MCM10: variants seen among roughly 807,000 people sequenced by gnomAD.
MCM10 encodes the protein protein MCM10 homolog.
In MCM10, 91 loss-of-function variants were observed where a neutral mutation model predicts 109.9. The observed-to-expected ratio is 0.83, with a 90% CI of 0.70 to 0.99. The LOEUF (loss-of-function observed/expected upper bound fraction) is 0.99. Among genes scored for constraint, MCM10 ranks in the 50% least tolerant of loss-of-function variants. MCM10 has a pLI of 0.00. For missense variants in MCM10, 1,077 were observed against 1,061.2 expected (o/e 1.01, Z -0.21); for synonymous variants, 380 against 387.2 (o/e 0.98, Z 0.22).
intron 17 of MCM10, among the ~76,000 whole-genome samples, 175 bp from the exon 18 acceptor site, chr10:13,204,044 C>T (rs745558892): frequency 1.3e-5 from 2 of 152,072 alleles, no homozygotes; most frequent in Non-Finnish European, 2.9e-5. Flanking sequence ...GTGAGGGAGT[C>T]GGGCAATCAC....
At chr10:13,180,411 A>G (rs534190892) in intron 6 of MCM10, 31 bp from the exon 7 acceptor site, 6 of 1,589,890 alleles carry the variant, frequency 3.8e-6, no homozygotes, top group African/African-American at 1.4e-5. Context: ...TATTAGAATC[A>G]TAATTACTAA....
chr10:13,186,978 T>A (rs1375787737), intron 9 of MCM10, among the ~76,000 whole-genome samples: 1 of 152,090 alleles, frequency 6.6e-6, no homozygotes, highest in East Asian at 1.9e-4. Context: ...GGCGATAGAG[T>A]GAGATTCTGT....
intron 2 of MCM10, among the ~76,000 whole-genome samples, chr10:13,166,648 AAATAC>A (rs1232778860): frequency 2.3e-4 from 14 of 60,014 alleles, no homozygotes; most frequent in African/African-American, 7.5e-4. Flanking sequence ...AAAAAAAAAA[AAATAC>A]ATACATACAT....
At chr10:13,204,460 A>G (rs1400246083) in intron 18 of MCM10, 96 bp downstream of exon 18, 5 of 1,450,616 alleles carry the variant, frequency 3.4e-6, no homozygotes, top group Non-Finnish European at 4.7e-6. Context: ...TTGGATGATC[A>G]TTCCATGCCT....
chr10:13,175,590 A>T lies in MCM10; in HGVS notation c.673A>T (p.Ile225Leu), dbSNP rs779287740. 1 of 1,613,886 alleles carries T rather than the reference A, an allele frequency of 6.2e-7. No homozygotes were observed. The highest frequency in any genetic ancestry group is 8.5e-7 in the Non-Finnish European group (1 of 1,179,754). Residue 225 changes from isoleucine to leucine, a missense_variant, in exon 6 of 20, where the codon ATA becomes TTA. Ile to Leu is a conservative substitution (Grantham distance 5). Coordinates refer to ENST00000378714, the MANE Select transcript of MCM10 (RefSeq NM_018518.5). ...GATTTCTCGGAACAAACCTAGTGGG[A>T]TAACTAGAGGTCAAATTGTGGGGAC... ...QTISRNKPSG[I>L]TRGQIVGTPG...
Position 13,188,872 on chromosome 10 carries a change from CT to C in MCM10, c.1216-5del, listed in dbSNP as rs1834309057. The C allele has an allele frequency of 6.2e-7, 1 of 1,613,634 alleles. No homozygotes were observed. Among genetic ancestry groups the C allele is most frequent in the Admixed American group, 1.7e-5 (1 of 59,974 alleles). ...CCTCATCCTGATGCCACTGCTCTGCCTTTTGCAGCGTGACTGTGAGTACTGT... is the reference window on the plus strand; with the variant it reads ...CCTCATCCTGATGCCACTGCTCTGCCTTTGCAGCGTGACTGTGAGTACTGT... On this transcript the variant is annotated splice_polypyrimidine_tract_variant and splice_region_variant and intron_variant, in intron 9 of 19. Coordinates refer to ENST00000378714, the MANE Select transcript of MCM10 (RefSeq NM_018518.5).
intron 2 of MCM10, among the ~76,000 whole-genome samples, chr10:13,166,635 CA>C (rs1252182951): frequency 0.012 from 576 of 47,604 alleles, 6 homozygotes; most frequent in South Asian, 0.021. Flanking sequence ...AACTCTGTCT[CA>C]AAAAAAAAAA....
chr10:13,203,793 G>T lies in MCM10; in HGVS notation c.2353-426G>T, dbSNP rs117837557. ...GCCTATATCCTTTTTATAGATCATA[G>T]AAGAGAATGAAAGAGCTGCTGATCA... On this transcript the variant is annotated intron_variant, in intron 17 of 19. Transcript: ENST00000378714. Among the ~76,000 whole-genome samples the T allele has an allele frequency of 4.6e-3, 682 of 147,626 alleles. 5 individuals are homozygous for T. The highest frequency in any genetic ancestry group is 7.6e-3 in the Non-Finnish European group (500 of 65,396).
intron 2 of MCM10, among the ~76,000 whole-genome samples, chr10:13,170,431 T>C (rs1834054958): frequency 6.6e-6 from 1 of 152,132 alleles, no homozygotes; most frequent in African/African-American, 2.4e-5. Flanking sequence ...CCTAAATCTA[T>C]GTTTGGTGTT....
chr10:13,164,533 A>C (rs1833969845), intron 2 of MCM10, among the ~76,000 whole-genome samples: 1 of 152,246 alleles, frequency 6.6e-6, no homozygotes, highest in African/African-American at 2.4e-5. Flanking sequence ...AGGCAGAAAA[A>C]CAGGGATGTT....
At chr10:13,185,216 T>G (rs1387876252) in intron 8 of MCM10, among the ~76,000 whole-genome samples, 2 of 152,166 alleles carry the variant, frequency 1.3e-5, no homozygotes, top group Non-Finnish European at 2.9e-5. Context: ...GGAGGGATTA[T>G]GAAAGCACCC....
chr10:13,161,793 G>C (rs1029968144), intron 1 of MCM10, among the ~76,000 whole-genome samples, 187 bp downstream of exon 1: 2 of 152,258 alleles, frequency 1.3e-5, no homozygotes, highest in Non-Finnish European at 2.9e-5. Context: ...CCGGGCCGGG[G>C]GCTGGGAGTT....
chr10:13,198,888 T>C, intron 16 of MCM10, 81 bp downstream of exon 16: 1 of 887,130 alleles, frequency 1.1e-6, no homozygotes, highest in East Asian at 2.5e-5. Flanking sequence ...ACCAAGAATG[T>C]GTTGTTTGTT....
chr10:13,199,010 C>T (rs1834461227), intron 16 of MCM10, among the ~76,000 whole-genome samples: 1 of 152,202 alleles, frequency 6.6e-6, no homozygotes, highest in South Asian at 2.1e-4. Flanking sequence ...ATTCTCCTGC[C>T]TCAGCCTCCC....
chr10:13,198,893 T>C, intron 16 of MCM10, 86 bp downstream of exon 16: 2 of 840,382 alleles, frequency 2.4e-6, no homozygotes, highest in Admixed American at 4.0e-5. Flanking sequence ...GAATGTGTTG[T>C]TTGTTTTATT....
chr10:13,183,168 G>T, intron 8 of MCM10, 68 bp downstream of exon 8: 1 of 1,528,998 alleles, frequency 6.5e-7, no homozygotes, highest in Non-Finnish European at 8.9e-7. Context: ...TATCAAAGAT[G>T]TTTGATGCAG....
Position 13,172,790 on chromosome 10 carries a change from C to G in MCM10, c.592+25C>G. On this transcript the variant is annotated intron_variant, in intron 5 of 19. Transcript: ENST00000378714. The surrounding 1 kb of genome is among the most constrained non-coding windows in gnomAD (Gnocchi z 5.2). ...GGTGTAGTACTTGCGGTCTCAGTAT[C>G]TTGGCACTATTGTATGTGTTTATGT... The G allele has an allele frequency of 1.2e-6, 2 of 1,612,700 alleles. No individual in the cohort carries two copies. The highest frequency in any genetic ancestry group is 8.5e-7 in the Non-Finnish European group (1 of 1,179,348).
Position 13,182,894 on chromosome 10 carries a change from C to T in MCM10, c.931-39C>T. On this transcript the variant is annotated intron_variant, in intron 7 of 19. Coordinates refer to ENST00000378714, the MANE Select transcript of MCM10 (RefSeq NM_018518.5). This position sits in a 1 kb window ranked among gnomAD's most constrained non-coding sequence, Gnocchi z 4.2. Reference sequence around the variant, plus strand: ...GAATCATAAATGAGGACGGCATAACCTACAGTTCAAAATTATAAAAAATAA... The same window carrying T: ...GAATCATAAATGAGGACGGCATAACTTACAGTTCAAAATTATAAAAAATAA... 1 of 1,527,026 alleles carries T rather than the reference C, an allele frequency of 6.5e-7. No individual in the cohort carries two copies. Among genetic ancestry groups the T allele is most frequent in the Non-Finnish European group, 9.0e-7 (1 of 1,110,628 alleles). 94.6% of individuals were successfully genotyped at this position (1,527,026 alleles called of 1,614,324 possible).
chr10:13,170,705 T>TC (rs1834059619), intron 2 of MCM10, among the ~76,000 whole-genome samples: 1 of 152,150 alleles, frequency 6.6e-6, no homozygotes, highest in African/African-American at 2.4e-5. Flanking sequence ...TTTGTTTTTT[T>TC]AGTTTCAGCT....
Sources: gnomAD v4.1 joint callset for allele counts (sites outside exome capture counted in the v4.1 genomes callset) on GRCh38, gnomAD v4.1.1 for gene constraint, Gnocchi (gnomAD v3.1) non-coding constraint, MANE v1.5 for transcripts, NCBI Gene and HGNC (gene_info 2026-07-23, HGNC 2026-07-21) for gene names.